PTPRG: variants seen among roughly 807,000 people sequenced by gnomAD.
PTPRG encodes protein tyrosine phosphatase receptor type G.
PTPRG carries 102 observed loss-of-function variants against 165.3 expected under a neutral mutation model. The observed-to-expected ratio is 0.62, with a 90% CI of 0.53 to 0.73. The LOEUF (loss-of-function observed/expected upper bound fraction) is 0.73. PTPRG is among the 30% of genes least tolerant of loss of function. The pLI, the probability that PTPRG is intolerant of heterozygous loss-of-function variation, is 0.00. For missense variants in PTPRG, 1,866 were observed against 1,861.4 expected, an observed-to-expected ratio of 1.00 and a Z score of -0.05; for synonymous variants, 675 against 669.5, an observed-to-expected ratio of 1.01 and a Z score of -0.13.
chr3:61,937,195 G>A (rs2039502450), intron 2 of PTPRG, among the ~76,000 whole-genome samples: 1 of 152,222 alleles, frequency 6.6e-6, no homozygotes, highest in Non-Finnish European at 1.5e-5. Flanking sequence ...GACCTAACCT[G>A]TGTGAGAGAT....
intron 11 of PTPRG, among the ~76,000 whole-genome samples, chr3:62,201,961 G>A (rs1385810536): frequency 1.3e-5 from 2 of 152,092 alleles, no homozygotes; most frequent in East Asian, 3.9e-4. Context: ...CCCATTCCTG[G>A]TTGGTATAAT....
At chr3:61,947,691 C>G (rs1392028099) in intron 2 of PTPRG, among the ~76,000 whole-genome samples, 6 of 152,144 alleles carry the variant, frequency 3.9e-5, no homozygotes, top group African/African-American at 1.4e-4. Context: ...CTAGGCAGGC[C>G]CTTTCTTCGT....
chr3:61,743,056 A>G (rs2033059503), intron 1 of PTPRG: 2 of 1,592,602 alleles, frequency 1.3e-6, no homozygotes, highest in Non-Finnish European at 1.7e-6. Context: ...GTTCCGGTGC[A>G]GGACTTCCCG....
intron 6 of PTPRG, among the ~76,000 whole-genome samples, chr3:62,143,385 C>T (rs1383887620): frequency 6.6e-6 from 1 of 152,094 alleles, no homozygotes; most frequent in Non-Finnish European, 1.5e-5. Flanking sequence ...GAAAATGGAG[C>T]AGAGCTGAGT....
At chr3:61,979,007 C>T (rs2040573642) in intron 2 of PTPRG, among the ~76,000 whole-genome samples, 1 of 152,120 alleles carries the variant, frequency 6.6e-6, no homozygotes, top group Non-Finnish European at 1.5e-5. Context: ...GAAGGTAGGG[C>T]ATATTTGACA....
intron 1 of PTPRG, among the ~76,000 whole-genome samples, chr3:61,637,874 A>G (rs1701958441): frequency 6.6e-6 from 1 of 152,250 alleles, no homozygotes; most frequent in East Asian, 1.9e-4. Context: ...ATATGTTGAG[A>G]GATGAGCATA....
chr3:62,042,642 C>T (rs183729384), intron 4 of PTPRG, among the ~76,000 whole-genome samples: 10 of 152,254 alleles, frequency 6.6e-5, no homozygotes, highest in Non-Finnish European at 1.3e-4. Flanking sequence ...TTCAGGGTCT[C>T]CTCCAACCTC....
At chr3:61,635,827 T>C (rs1167451576) in intron 1 of PTPRG, among the ~76,000 whole-genome samples, 1 of 152,166 alleles carries the variant, frequency 6.6e-6, no homozygotes, top group Non-Finnish European at 1.5e-5. Flanking sequence ...GTCACGTAAA[T>C]GTCATCCATG....
At chr3:61,817,032 G>GTATATAATATATAATATTA in intron 2 of PTPRG, among the ~76,000 whole-genome samples, 1 of 126,688 alleles carries the variant, frequency 7.9e-6, no homozygotes, top group Non-Finnish European at 1.6e-5. Context: ...ATAATATATA[G>GTATATAATATATAATATTA]TATATAATAT....
intron 9 of PTPRG, 121 bp from the exon 10 acceptor site, chr3:62,194,941 G>T: frequency 2.3e-6 from 2 of 887,560 alleles, no homozygotes; most frequent in Admixed American, 2.0e-5. Flanking sequence ...GTGAGCCTTT[G>T]GTCAGCAGGG....
At chr3:62,236,862 A>G (rs149206191) in intron 14 of PTPRG, among the ~76,000 whole-genome samples, 41 of 152,314 alleles carry the variant, frequency 2.7e-4, no homozygotes, top group African/African-American at 8.9e-4. Flanking sequence ...GATGAGAACA[A>G]TGTGACATCC....
chr3:62,262,520 T>C (rs369986721), intron 16 of PTPRG: 1 of 289,742 alleles, frequency 3.5e-6, no homozygotes, highest in African/African-American at 2.2e-5. Context: ...TAGACTATGA[T>C]GTATTCAAAA....
chr3:62,285,827 C>G (rs1261037989), intron 28 of PTPRG, among the ~76,000 whole-genome samples: 2 of 152,118 alleles, frequency 1.3e-5, no homozygotes, highest in Non-Finnish European at 2.9e-5. Flanking sequence ...CCAAATTACT[C>G]TACTCACTCA....
intron 1 of PTPRG, among the ~76,000 whole-genome samples, chr3:61,736,705 G>A (rs963592085): frequency 2.6e-5 from 4 of 152,078 alleles, no homozygotes; most frequent in Admixed American, 6.5e-5. Flanking sequence ...ACAATGATTC[G>A]TCTTGACTCA....
At chr3:62,071,624 C>T (rs1250165096) in intron 4 of PTPRG, among the ~76,000 whole-genome samples, 1 of 152,194 alleles carries the variant, frequency 6.6e-6, no homozygotes, top group Non-Finnish European at 1.5e-5. Context: ...CAGACTGTAT[C>T]TTCATCTGTC....
intron 1 of PTPRG, among the ~76,000 whole-genome samples, chr3:61,633,477 T>A (rs139124393): frequency 2.6e-4 from 39 of 152,316 alleles, no homozygotes; most frequent in Non-Finnish European, 4.6e-4. Flanking sequence ...TTAATTTAAT[T>A]TTTGGATTGT....
chr3:61,946,420 A>C (rs1315338334), intron 2 of PTPRG, among the ~76,000 whole-genome samples: 1 of 152,236 alleles, frequency 6.6e-6, no homozygotes, highest in African/African-American at 2.4e-5. Flanking sequence ...TAATTTAGAA[A>C]TGACTTCATA....
chr3:61,617,175 C>G (rs936024105), intron 1 of PTPRG, among the ~76,000 whole-genome samples: 2 of 152,328 alleles, frequency 1.3e-5, no homozygotes, highest in South Asian at 2.1e-4. Context: ...ACAGGAATTA[C>G]ACTGTGTGGG....
At chr3:62,127,192 A>AG (rs1381054277) in intron 5 of PTPRG, among the ~76,000 whole-genome samples, 1 of 152,210 alleles carries the variant, frequency 6.6e-6, no homozygotes, top group East Asian at 1.9e-4. Flanking sequence ...TTTCTGGGTA[A>AG]GGGCTAACCA....
Sources: allele counts gnomAD v4.1 joint callset (sites outside exome capture counted in the v4.1 genomes callset), GRCh38; gene constraint gnomAD v4.1.1; transcripts MANE v1.5; gene names NCBI Gene and HGNC (gene_info 2026-07-23, HGNC 2026-07-21).